The following DYNC2LI1 variants were observed in gnomAD, a reference collection of about 807,000 sequenced individuals.
DYNC2LI1 encodes cytoplasmic dynein 2 light intermediate chain 1.
In DYNC2LI1, 45 loss-of-function variants were observed where a neutral mutation model predicts 51.9. The observed-to-expected ratio is 0.87, with a 90% CI of 0.68 to 1.11. The LOEUF (loss-of-function observed/expected upper bound fraction) is 1.11, where lower values mean the gene tolerates loss of function less well. Ranked by LOEUF, DYNC2LI1 falls within the 50% of genes most tolerant of loss-of-function variation. DYNC2LI1 has a pLI of 0.00. For missense variants in DYNC2LI1, 490 were observed against 417.4 expected (o/e 1.17, Z -1.51); for synonymous variants, 130 against 137.8 (o/e 0.94, Z 0.40).
chr2:43,820,164 T>G, the DYNC2LI1 span: 4 of 1,538,478 alleles, frequency 2.6e-6, no homozygotes, highest in African/African-American at 1.4e-5. Flanking sequence ...AATACTGCAC[T>G]TGCCTCTGTG....
chr2:43,824,173 G>T, the DYNC2LI1 span: 107 of 1,613,940 alleles, frequency 6.6e-5, no homozygotes, highest in African/African-American at 1.1e-3. Context: ...TTGGGGGATG[G>T]CTAAAGACCT....
intron 5 of DYNC2LI1, among the ~76,000 whole-genome samples, chr2:43,792,471 A>G (rs1371596298): frequency 6.6e-6 from 1 of 152,198 alleles, no homozygotes; most frequent in Non-Finnish European, 1.5e-5. Flanking sequence ...TATTATAACC[A>G]TTTTTAAAAA....
chr2:43,819,612 G>C, the DYNC2LI1 span, among the ~76,000 whole-genome samples: 2 of 152,084 alleles, frequency 1.3e-5, no homozygotes, highest in African/African-American at 4.8e-5. Flanking sequence ...CATGTGGGCT[G>C]TGAGTTTTTC....
intron 2 of DYNC2LI1, among the ~76,000 whole-genome samples, chr2:43,777,550 G>C (rs994653201): frequency 2.6e-5 from 4 of 152,254 alleles, no homozygotes; most frequent in African/African-American, 9.6e-5. Flanking sequence ...AGGCTTGCCA[G>C]ATGCAAGATG....
At chr2:43,796,662 C>T (rs1674050231) in intron 7 of DYNC2LI1, 56 bp from the exon 8 acceptor site, 1 of 1,265,702 alleles carries the variant, frequency 7.9e-7, no homozygotes, top group Admixed American at 1.8e-5. Context: ...TAATTTGAAT[C>T]TTCCTGCTAT....
intron 2 of DYNC2LI1, among the ~76,000 whole-genome samples, chr2:43,777,840 G>C (rs1401081472): frequency 6.6e-6 from 1 of 152,058 alleles, no homozygotes; most frequent in Non-Finnish European, 1.5e-5. Flanking sequence ...TATATTGGGA[G>C]AAATACCTGT....
chr2:43,826,942 GA>G, the DYNC2LI1 span, among the ~76,000 whole-genome samples: 1 of 152,190 alleles, frequency 6.6e-6, no homozygotes, highest in Non-Finnish European at 1.5e-5. Flanking sequence ...GCACAGAAAA[GA>G]AAAAAATCTG....
chr2:43,793,876 A>G (rs1279193369), intron 5 of DYNC2LI1: 1 of 152,892 alleles, frequency 6.5e-6, no homozygotes, highest in Non-Finnish European at 1.5e-5. Context: ...GCTTTCAGAG[A>G]GACAGAATGG....
chr2:43,789,915 C>G (rs919171620), intron 5 of DYNC2LI1, among the ~76,000 whole-genome samples, 194 bp downstream of exon 5: 2 of 152,162 alleles, frequency 1.3e-5, no homozygotes, highest in African/African-American at 4.8e-5. Context: ...TTGGCCCGTG[C>G]TGAACTGAGA....
Position 43,804,826 on chromosome 2 carries a change from C to T in DYNC2LI1, c.900+87C>T, listed in dbSNP as rs1453211803. On this transcript the variant is annotated intron_variant, in intron 11 of 12. Transcript: ENST00000260605. ...TGTGTCAAAGGGCTTATTATGATAA[C>T]TTTGTTTTCATCTTTTATGCTCAAA... is the stretch of plus-strand genomic sequence containing the variant. The T allele has an allele frequency of 5.1e-6, 4 of 778,808 alleles. No homozygotes were observed. The South Asian group carries it at 7.7e-5, about 15-fold the overall frequency. The allele number at this position is 778,808 out of a possible 1,614,324, so 48.2% of individuals were successfully genotyped here.
the DYNC2LI1 span, among the ~76,000 whole-genome samples, chr2:43,817,141 T>G: frequency 6.6e-6 from 1 of 152,232 alleles, no homozygotes; most frequent in Non-Finnish European, 1.5e-5. Flanking sequence ...GTTAAGATTT[T>G]GCAACTAATC....
intron 3 of DYNC2LI1, 25 bp from the exon 4 acceptor site, chr2:43,787,156 A>T (rs746292856): frequency 6.3e-7 from 1 of 1,581,174 alleles, no homozygotes; most frequent in South Asian, 1.1e-5. Context: ...CTACAATGAT[A>T]ATACTATCGG....
At position 43,776,914 on chromosome 2, in the gene DYNC2LI1, T is replaced by G. The variant is rs1673052842; in HGVS notation, c.126+15T>G. ...GTAAAAATGGGGTAATGCTTTCTTTTTTTCAATTATTGTGATGATTTAACA... is the reference window on the plus strand; with the variant it reads ...GTAAAAATGGGGTAATGCTTTCTTTGTTTCAATTATTGTGATGATTTAACA... On this transcript the variant is annotated intron_variant, in intron 2 of 12. Transcript: ENST00000260605. 7.9e-7 allele frequency: 1 copy of G among 1,265,432 alleles called. No individual in the cohort carries two copies. The highest frequency in any genetic ancestry group is 1.5e-5 in the African/African-American group (1 of 66,072). The allele number at this position is 1,265,432 out of a possible 1,614,324, so 78.4% of individuals were successfully genotyped here.
the DYNC2LI1 span, chr2:43,824,483 T>C: frequency 1.2e-6 from 2 of 1,604,024 alleles, no homozygotes; most frequent in South Asian, 2.2e-5. Context: ...AATGCATGTA[T>C]GTACATGGAT....
At chr2:43,817,658 C>T in the DYNC2LI1 span, among the ~76,000 whole-genome samples, 212 of 152,100 alleles carry the variant, frequency 1.4e-3, 2 homozygotes, top group Non-Finnish European at 1.3e-3. Flanking sequence ...GTCTATAATC[C>T]CAGCACTTTG....
In DYNC2LI1 at chr2:43,774,147, G is replaced by A. The variant is rs1672901505; in HGVS notation, c.8+1G>A. 1 of 1,613,884 alleles carries A rather than the reference G, an allele frequency of 6.2e-7. No homozygotes were observed. Among genetic ancestry groups the A allele is most frequent in the African/African-American group, 1.3e-5 (1 of 74,938 alleles). On this transcript the variant is annotated splice_donor_variant, in intron 1 of 12. Transcript: ENST00000260605. LOFTEE classifies it high-confidence loss of function. ...CAGCCAGGCCGTCGACGATGCCCAG[G>A]TATTCCCTGAACCCGGCTTGCGTGG... is the stretch of plus-strand genomic sequence containing the variant.
At chr2:43,813,572 T>C (rs1052067801), downstream of DYNC2LI1, among the ~76,000 whole-genome samples, 1 of 152,036 alleles carries the variant, frequency 6.6e-6, no homozygotes, top group African/African-American at 2.4e-5. Context: ...GCACAGACTA[T>C]CCTAAAGTTA....
the DYNC2LI1 span, chr2:43,822,992 G>C: frequency 3.1e-6 from 5 of 1,602,576 alleles, no homozygotes; most frequent in Non-Finnish European, 4.3e-6. Flanking sequence ...GAAAAAGGGA[G>C]GGCTAGCCCA....
intron 9 of DYNC2LI1, 24 bp from the exon 10 acceptor site, chr2:43,801,615 A>G (rs1227292503): frequency 1.9e-6 from 3 of 1,579,806 alleles, no homozygotes; most frequent in African/African-American, 1.3e-5. Flanking sequence ...AAACTAATTT[A>G]GAATCTTTCT....
Sources: allele counts gnomAD v4.1 joint callset (sites outside exome capture counted in the v4.1 genomes callset), GRCh38; gene constraint gnomAD v4.1.1; transcripts MANE v1.5; gene names NCBI Gene and HGNC (gene_info 2026-07-23, HGNC 2026-07-21).